The following STAB2 variants were observed in gnomAD, a reference collection of about 807,000 sequenced individuals.
STAB2 encodes stabilin 2.
In STAB2, 288 loss-of-function variants were observed where a neutral mutation model predicts 338.1. The ratio of observed to expected loss-of-function variants is 0.85; its 90% CI spans 0.77 to 0.94. The LOEUF (loss-of-function observed/expected upper bound fraction) is 0.94. Among genes scored for constraint, STAB2 ranks in the 40% least tolerant of loss-of-function variants. The pLI, the probability that STAB2 is intolerant of heterozygous loss-of-function variation, is 0.00. For missense variants in STAB2, 3,141 were observed against 3,210.1 expected (o/e 0.98, Z 0.52); for synonymous variants, 1,202 against 1,193.3 (o/e 1.01, Z -0.15).
At chr12:103,640,828 A>G (rs1872874277) in intron 9 of STAB2, among the ~76,000 whole-genome samples, 1 of 152,148 alleles carries the variant, frequency 6.6e-6, no homozygotes. Context: ...TACCTACCAG[A>G]TGCATGACCA....
At chr12:103,706,486 T>G (rs539379548) in intron 37 of STAB2, among the ~76,000 whole-genome samples, 2 of 152,262 alleles carry the variant, frequency 1.3e-5, no homozygotes, top group South Asian at 4.2e-4. Context: ...TCACAGGCAT[T>G]ATTCTTTAGT....
rs1432792828 is a variant in STAB2, at chr12:103,590,774, C to G, written c.82-123C>G. 1.6e-5 allele frequency: 19 copies of G among 1,172,770 alleles called. No homozygotes were observed. The Admixed American group carries it at 3.5e-4, about 22-fold the overall frequency. 72.6% of individuals were successfully genotyped at this position (1,172,770 alleles called of 1,614,324 possible). ...ACCAGTCATTACCAATCAACCTTAT[C>G]ACCATCCCTGACGTTCCATTGAGAT... On this transcript the variant is annotated intron_variant, in intron 1 of 68. Coordinates refer to ENST00000388887, the MANE Select transcript of STAB2 (RefSeq NM_017564.10).
At chr12:103,706,273 T>C (rs1879339917) in intron 37 of STAB2, among the ~76,000 whole-genome samples, 1 of 152,120 alleles carries the variant, frequency 6.6e-6, no homozygotes, top group South Asian at 2.1e-4. Context: ...TTTTGTGTTT[T>C]AATGCACTCA....
At chr12:103,746,492 T>TA in intron 57 of STAB2, 105 bp from the exon 58 acceptor site, 1 of 1,036,314 alleles carries the variant, frequency 9.6e-7, no homozygotes, top group Non-Finnish European at 1.5e-6. Flanking sequence ...CAGGGGCACT[T>TA]ATGAACACAG....
intron 51 of STAB2, among the ~76,000 whole-genome samples, chr12:103,733,468 C>G (rs893514761): frequency 6.6e-6 from 1 of 152,164 alleles, no homozygotes; most frequent in African/African-American, 2.4e-5. Flanking sequence ...TCAGCGTTTC[C>G]TCCTTCCTAG....
chr12:103,717,502 G>A (rs1057017255), intron 43 of STAB2, among the ~76,000 whole-genome samples: 10 of 152,130 alleles, frequency 6.6e-5, no homozygotes, highest in Admixed American at 6.5e-4. Flanking sequence ...ACCAAATGGA[G>A]TGAGAACATT....
At chr12:103,736,451 C>T (rs1454681282) in intron 52 of STAB2, among the ~76,000 whole-genome samples, 3 of 152,182 alleles carry the variant, frequency 2.0e-5, no homozygotes, top group African/African-American at 7.2e-5. Context: ...GAATTTATAA[C>T]TGACTTTGAA....
Position 103,692,899 on chromosome 12 carries a change from T to C in STAB2, c.3375+10T>C, listed in dbSNP as rs762743033. ...ACACATCATCAACAAGGTACAAGAT[T>C]CCATTCTCCTGTGCGTGCAGCATCT... On this transcript the variant is annotated intron_variant, in intron 31 of 68. Coordinates refer to ENST00000388887, the MANE Select transcript of STAB2 (RefSeq NM_017564.10). The C allele has an allele frequency of 6.2e-7, 1 of 1,609,326 alleles. No individual in the cohort carries two copies. Among genetic ancestry groups the C allele is most frequent in the South Asian group, 1.1e-5 (1 of 90,828 alleles).
intron 36 of STAB2, among the ~76,000 whole-genome samples, chr12:103,705,391 G>T (rs905042410): frequency 2.0e-5 from 3 of 152,194 alleles, no homozygotes; most frequent in Non-Finnish European, 4.4e-5. Flanking sequence ...CTAAAGAAAT[G>T]TTCTTTTCAT....
intron 25 of STAB2, among the ~76,000 whole-genome samples, chr12:103,682,972 A>C (rs112915233): frequency 0.017 from 2,567 of 152,244 alleles, 63 homozygotes; most frequent in African/African-American, 0.056. Flanking sequence ...AAATATATAA[A>C]TAAATTCAGG....
At chr12:103,719,287 CATTCTTTCGT>C (rs1031438498) in intron 44 of STAB2, among the ~76,000 whole-genome samples, 2 of 152,184 alleles carry the variant, frequency 1.3e-5, no homozygotes, top group African/African-American at 4.8e-5. Context: ...GGTGCCCAAT[CATTCTTTCGT>C]TTAATTTCTC....
At chr12:103,635,089 C>G (rs1207982587) in intron 6 of STAB2, among the ~76,000 whole-genome samples, 1 of 152,204 alleles carries the variant, frequency 6.6e-6, no homozygotes, top group African/African-American at 2.4e-5. Flanking sequence ...CCATGCATCT[C>G]TCACATGTGT....
In STAB2 at chr12:103,705,722, G is replaced by A. The variant is rs752328384; in HGVS notation, c.3991G>A (p.Val1331Ile). The change falls in exon 37 of 69, where the codon GTC (valine) becomes ATC (isoleucine). Residue 1331 changes from valine to isoleucine, a missense_variant. Val to Ile is a conservative substitution (Grantham distance 29). Coordinates refer to ENST00000388887, the MANE Select transcript of STAB2 (RefSeq NM_017564.10). ...IGCQPKCVRT[V>I]ITRECCAGFF... ...GTGCCAGCCAAAATGTGTGAGAACC[G>A]TCATTGTGAGTACAATAATTGAATC... 2.4e-5 allele frequency: 39 copies of A among 1,613,872 alleles called. No homozygotes were observed. The highest frequency in any genetic ancestry group is 1.6e-4 in the Middle Eastern group (1 of 6,082).
In STAB2 at chr12:103,755,405, T is replaced by C; in HGVS notation, c.6818T>C (p.Val2273Ala). Reference protein sequence around the residue: ...QNCGSGVVGIVDYGPRPNKSE... With the variant: ...QNCGSGVVGIADYGPRPNKSE... Reference sequence around the variant, plus strand: ...TGTGGCTCTGGTGTGGTTGGGATAGTGGACTATGGACCTAGACCCAACAAG... The same window carrying C: ...TGTGGCTCTGGTGTGGTTGGGATAGCGGACTATGGACCTAGACCCAACAAG... Residue 2273 changes from valine to alanine, a missense_variant, in exon 62 of 69, where the codon GTG becomes GCG. By Grantham distance (64) the Val-to-Ala change is moderately conservative. Coordinates refer to ENST00000388887, the MANE Select transcript of STAB2 (RefSeq NM_017564.10). The C allele has an allele frequency of 1.2e-6, 2 of 1,614,126 alleles. No individual in the cohort carries two copies. Among genetic ancestry groups the C allele is most frequent in the Non-Finnish European group, 1.7e-6 (2 of 1,180,028 alleles).
At chr12:103,747,761 G>A (rs1339487308) in intron 58 of STAB2, among the ~76,000 whole-genome samples, 9 of 152,114 alleles carry the variant, frequency 5.9e-5, no homozygotes, top group African/African-American at 1.4e-4. Context: ...TTGGGAGGCC[G>A]GGGTGGGCAG....
At chr12:103,688,377 T>G (rs1385669936) in intron 28 of STAB2, among the ~76,000 whole-genome samples, 162 bp downstream of exon 28, 1 of 152,172 alleles carries the variant, frequency 6.6e-6, no homozygotes, top group African/African-American at 2.4e-5. Flanking sequence ...ATGGAACACA[T>G]TTTTAAAAAA....
chr12:103,706,649 G>A (rs1488050924), intron 37 of STAB2, 143 bp from the exon 38 acceptor site: 1 of 1,083,196 alleles, frequency 9.2e-7, no homozygotes, highest in Non-Finnish European at 1.3e-6. Flanking sequence ...TCCCCAGAGG[G>A]TCCTGCCCCC....
chr12:103,647,101 G>C (rs989514217), intron 9 of STAB2, among the ~76,000 whole-genome samples: 1 of 152,222 alleles, frequency 6.6e-6, no homozygotes, highest in African/African-American at 2.4e-5. Flanking sequence ...TGGATAAAAG[G>C]AGTCAGTGAG....
At chr12:103,664,093 G>A (rs1290681713) in intron 18 of STAB2, among the ~76,000 whole-genome samples, 1 of 151,564 alleles carries the variant, frequency 6.6e-6, no homozygotes, top group Non-Finnish European at 1.5e-5. Flanking sequence ...TATTTCCATA[G>A]CAACTTTTTG....
Sources: gnomAD v4.1 joint callset for allele counts (sites outside exome capture counted in the v4.1 genomes callset) on GRCh38, gnomAD v4.1.1 for gene constraint, MANE v1.5 for transcripts, NCBI Gene and HGNC (gene_info 2026-07-23, HGNC 2026-07-21) for gene names.